The following STON1 variants were observed in gnomAD, a reference collection of about 807,000 sequenced individuals.
STON1 encodes the protein stonin 1.
Under a neutral mutation model 60.9 loss-of-function variants are expected in STON1, and 79 were observed. The ratio of observed to expected loss-of-function variants is 1.30; its 90% confidence interval spans 1.08 to 1.56. STON1 has a LOEUF of 1.56. Ranked by LOEUF, STON1 falls within the 40% of genes most tolerant of loss-of-function variation. The pLI, the probability that STON1 is intolerant of heterozygous loss-of-function variation, is 0.00. For synonymous variants in STON1, 363 were observed against 306.9 expected, an observed-to-expected ratio of 1.18 and a Z score of -1.91; for missense variants, 1,166 against 858.9, an observed-to-expected ratio of 1.36 and a Z score of -4.47.
Position 48,598,162 on chromosome 2 carries a change from A to G in STON1, c.*2860A>G, listed in dbSNP as rs908248531. ...TTTGTGCAGATCTGAATTTAAGAACATTTCCTTTTTCTGTGGGAATCACAA... is the reference window on the plus strand; with the variant it reads ...TTTGTGCAGATCTGAATTTAAGAACGTTTCCTTTTTCTGTGGGAATCACAA... On this transcript the variant is annotated 3_prime_UTR_variant, in exon 4 of 4. Transcript: ENST00000404752. 3 of 152,168 alleles carry G rather than the reference A, an allele frequency of 2.0e-5. No homozygotes were observed. Among genetic ancestry groups the G allele is most frequent in the East Asian group, 3.8e-4 (2 of 5,198 alleles). 9.4% of individuals were successfully genotyped at this position (152,168 alleles called of 1,614,324 possible).
At chr2:48,561,750 C>T (rs1412447143) in intron 1 of STON1, among the ~76,000 whole-genome samples, 1 of 152,156 alleles carries the variant, frequency 6.6e-6, no homozygotes, top group Non-Finnish European at 1.5e-5. Context: ...GTTTGAGACC[C>T]ATTGGTACAG....
At chr2:48,564,483 CTTCTTCTTCTTCTTCTTCTTCTT>C (rs1672791899) in intron 1 of STON1, among the ~76,000 whole-genome samples, 1 of 26,406 alleles carries the variant, frequency 3.8e-5, no homozygotes, top group Non-Finnish European at 7.9e-5. Context: ...CTTCTTCTTT[CTTCTTCTTCTTCTTCTTCTTCTT>C]CTTCTTCTTC....
chr2:48,555,264 G>A (rs1672276883), intron 1 of STON1, among the ~76,000 whole-genome samples: 1 of 106,856 alleles, frequency 9.4e-6, no homozygotes, highest in Non-Finnish European at 2.0e-5. Context: ...ACGGGGAGGT[G>A]GCTGGGCAGA....
At chr2:48,565,955 C>G (rs758279380) in intron 1 of STON1, among the ~76,000 whole-genome samples, 3 of 152,084 alleles carry the variant, frequency 2.0e-5, no homozygotes, top group Non-Finnish European at 4.4e-5. Flanking sequence ...ATCCGAATAC[C>G]CACCCAACTC....
chr2:48,558,013 G>A (rs1390232940), intron 1 of STON1, among the ~76,000 whole-genome samples: 1 of 152,092 alleles, frequency 6.6e-6, no homozygotes, highest in African/African-American at 2.4e-5. Flanking sequence ...ACCTGAGGTC[G>A]GGAGTTCGAG....
intron 1 of STON1, chr2:48,531,747 A>G (rs1229597826): frequency 6.6e-6 from 1 of 152,138 alleles, no homozygotes; most frequent in East Asian, 1.9e-4. Context: ...GGGGATGTTG[A>G]ATGTTTTACG....
At chr2:48,530,708 C>T (rs1395174004) in intron 1 of STON1, 1 of 152,558 alleles carries the variant, frequency 6.6e-6, no homozygotes, top group Non-Finnish European at 1.5e-5. Context: ...TCCCTGGTAC[C>T]TCAGCTCGGA....
intron 1 of STON1, among the ~76,000 whole-genome samples, chr2:48,555,597 G>C (rs1403045478): frequency 2.2e-5 from 1 of 44,572 alleles, no homozygotes; most frequent in African/African-American, 9.5e-5. Flanking sequence ...CGGGCGGGGG[G>C]CTGACCCCCC....
At position 48,595,363 on chromosome 2, in the gene STON1, C is replaced by G; in HGVS notation, c.*61C>G. 7.1e-7 allele frequency: 1 copy of G among 1,418,148 alleles called. No homozygotes were observed. Among genetic ancestry groups the G allele is most frequent in the Non-Finnish European group, 9.9e-7 (1 of 1,007,028 alleles). The allele number at this position is 1,418,148 out of a possible 1,614,324, so 87.8% of individuals were successfully genotyped here. A position where few individuals can be genotyped will look rare whatever the true frequency, so the allele number is the denominator to read the frequency against. ...AAATATGTAATTCACCGAAACCACA[C>G]CAAGTCCTGCTACTGTAGAGTGGAA... is the stretch of plus-strand genomic sequence containing the variant. On this transcript the variant is annotated 3_prime_UTR_variant, in exon 4 of 4. Transcript: ENST00000404752.
In STON1 at chr2:48,596,379, T is replaced by G. The variant is rs1674782015; in HGVS notation, c.*1077T>G. 6.6e-6 allele frequency: 1 copy of G among 152,214 alleles called. No homozygotes were observed. The highest frequency in any genetic ancestry group is 1.5e-5 in the Non-Finnish European group (1 of 68,030). 9.4% of individuals were successfully genotyped at this position (152,214 alleles called of 1,614,324 possible). ...AGGTAAATGACTATAATAGTTTGGTTTCTAATGAAAAGTCAATAGCATTAG... is the reference window on the plus strand; with the variant it reads ...AGGTAAATGACTATAATAGTTTGGTGTCTAATGAAAAGTCAATAGCATTAG... On this transcript the variant is annotated 3_prime_UTR_variant, in exon 4 of 4. Coordinates refer to ENST00000404752, the MANE Select transcript of STON1 (RefSeq NM_006873.4).
Position 48,582,010 on chromosome 2 carries a change from T to A in STON1, c.1377T>A (p.Asn459Lys), listed in dbSNP as rs565916466. The A allele has an allele frequency of 6.2e-7, 1 of 1,614,216 alleles. No homozygotes were observed. Among genetic ancestry groups the A allele is most frequent in the East Asian group, 2.2e-5 (1 of 44,886 alleles). The change falls in exon 2 of 4, where the codon AAT becomes AAA. Residue 459 changes from asparagine to lysine, a missense_variant. Physicochemically the swap from Asn to Lys is moderately conservative, Grantham distance 94. Coordinates refer to ENST00000404752, the MANE Select transcript of STON1 (RefSeq NM_006873.4). The part of the protein sequence containing the change: ...NGNLECFLTL[N>K]DLELPKRDES... ...ACCTGGAATGCTTTTTAACCTTGAA[T>A]GACCTTGAGTTGCCGAAGCGAGATG...
chr2:48,539,584 C>G (rs1055101848), intron 1 of STON1, among the ~76,000 whole-genome samples: 1 of 151,998 alleles, frequency 6.6e-6, no homozygotes, highest in Non-Finnish European at 1.5e-5. Context: ...TCACTGCAAC[C>G]TCTGCCTCCT....
intron 1 of STON1, among the ~76,000 whole-genome samples, chr2:48,554,507 G>A (rs1385585065): frequency 6.6e-6 from 1 of 152,204 alleles, no homozygotes; most frequent in Non-Finnish European, 1.5e-5. Context: ...ACAGGCGTGA[G>A]CCATTGCGCC....
chr2:48,553,595 C>A (rs904120565), intron 1 of STON1, among the ~76,000 whole-genome samples: 2 of 152,088 alleles, frequency 1.3e-5, no homozygotes, highest in African/African-American at 2.4e-5. Flanking sequence ...TCAAGCGATT[C>A]TCCTGCCTCA....
intron 1 of STON1, among the ~76,000 whole-genome samples, chr2:48,562,105 C>T (rs1383202416): frequency 6.6e-6 from 1 of 152,200 alleles, no homozygotes; most frequent in African/African-American, 2.4e-5. Flanking sequence ...AAGTAATCCA[C>T]CCACCTTGGC....
At chr2:48,568,497 G>A (rs1673043960) in intron 1 of STON1, among the ~76,000 whole-genome samples, 1 of 152,166 alleles carries the variant, frequency 6.6e-6, no homozygotes, top group Admixed American at 6.6e-5. Context: ...GAGGGGAGTA[G>A]GGGATGATGG....
At chr2:48,557,574 C>T (rs1444035671) in intron 1 of STON1, among the ~76,000 whole-genome samples, 8 of 115,200 alleles carry the variant, frequency 6.9e-5, no homozygotes, top group African/African-American at 2.6e-4. Context: ...TTTGGGAGGC[C>T]AAGGCAGGCG....
chr2:48,530,205 A>G lies in STON1; in HGVS notation c.-59A>G. On this transcript the variant is annotated 5_prime_UTR_variant, in exon 1 of 4. Transcript: ENST00000404752. ...GGCTGCGGCCAGAATCGGAGCCCCA[A>G]CCGCGCTGCCGGTGAGTGACCAGCC... 4.9e-6 allele frequency: 2 copies of G among 406,630 alleles called. No homozygotes were observed. Among genetic ancestry groups the G allele is most frequent in the Non-Finnish European group, 9.6e-6 (2 of 207,334 alleles). The allele number at this position is 406,630 out of a possible 1,614,324, so 25.2% of individuals were successfully genotyped here.
In STON1 at chr2:48,541,694, C is replaced by T. The variant is rs1671658673; in HGVS notation, c.-48+11478C>T. 6.4e-5 allele frequency among the ~76,000 whole-genome samples: 5 copies of T among 77,876 alleles called. No homozygotes were observed. In the Admixed American group the frequency reaches 9.0e-4, roughly 14 times the overall value. The allele number at this position is 77,876 out of a possible 152,430, so 51.1% of individuals were successfully genotyped here. ...ATCCTGGGTGACAAGAGTGAAACTTCGTCTCAAAAAAAAAAAAAAAAAAAA... is the reference window on the plus strand; with the variant it reads ...ATCCTGGGTGACAAGAGTGAAACTTTGTCTCAAAAAAAAAAAAAAAAAAAA... On this transcript the variant is annotated intron_variant, in intron 1 of 3. Coordinates refer to ENST00000404752, the MANE Select transcript of STON1 (RefSeq NM_006873.4).
Sources: allele counts gnomAD v4.1 joint callset (sites outside exome capture counted in the v4.1 genomes callset), GRCh38; gene constraint gnomAD v4.1.1; transcripts MANE v1.5; gene names NCBI Gene and HGNC (gene_info 2026-07-23, HGNC 2026-07-21).